KLF12: variants seen among roughly 807,000 people sequenced by gnomAD.
The protein encoded by KLF12 is Krueppel-like factor 12.
Under a neutral mutation model 37.8 loss-of-function variants are expected in KLF12, and 9 were observed. The ratio of observed to expected loss-of-function variants is 0.24; its 90% CI spans 0.14 to 0.42. The LOEUF is 0.42. Among genes scored for constraint, KLF12 ranks in the 10% least tolerant of loss-of-function variants. The probability of loss-of-function intolerance (pLI) is 1.00; values close to 1 mark genes in which losing one functional copy is unlikely to be tolerated. For synonymous variants in KLF12, 208 were observed against 202.1 expected (o/e 1.03, Z -0.25); for missense variants, 411 against 516.0 (o/e 0.80, Z 1.97).
chr13:73,837,700 C>G (rs796268053), intron 4 of KLF12, among the ~76,000 whole-genome samples: 28 of 152,232 alleles, frequency 1.8e-4, no homozygotes, highest in African/African-American at 5.8e-4. Context: ...ATATTCCAGT[C>G]CCATTTCCCA....
At chr13:73,827,751 C>T (rs1443545992) in intron 4 of KLF12, among the ~76,000 whole-genome samples, 1 of 152,024 alleles carries the variant, frequency 6.6e-6, no homozygotes, top group Non-Finnish European at 1.5e-5. Context: ...TCATTAGAGA[C>T]AGGGTTCCAC....
At chr13:73,724,155 T>C (rs150124553) in intron 6 of KLF12, among the ~76,000 whole-genome samples, 5,657 of 152,146 alleles carry the variant, frequency 0.037, 109 homozygotes, top group South Asian at 0.098. Flanking sequence ...TGCCCACCAA[T>C]GATAGACTGG....
chr13:74,210,743 C>A, the KLF12 span, among the ~76,000 whole-genome samples: 1 of 116,598 alleles, frequency 8.6e-6, no homozygotes, highest in South Asian at 2.3e-4. Context: ...AGACATGGTA[C>A]CTGGTGAGCC....
chr13:73,922,202 T>C (rs1197537833), intron 3 of KLF12, among the ~76,000 whole-genome samples: 1 of 152,172 alleles, frequency 6.6e-6, no homozygotes, highest in African/African-American at 2.4e-5. Flanking sequence ...ACACTGAAAA[T>C]TACTTTATTC....
intron 5 of KLF12, among the ~76,000 whole-genome samples, chr13:73,799,260 G>A (rs1190691535): frequency 6.6e-6 from 1 of 152,090 alleles, no homozygotes; most frequent in Admixed American, 6.6e-5. Context: ...CTACCTGAAG[G>A]TGATGAAAGG....
At chr13:73,820,549 C>G (rs2056510461) in intron 4 of KLF12, among the ~76,000 whole-genome samples, 1 of 152,154 alleles carries the variant, frequency 6.6e-6, no homozygotes, top group Non-Finnish European at 1.5e-5. Context: ...TTCTTGTTTC[C>G]TTTACTTTTG....
At chr13:74,299,232 A>T in the KLF12 span, among the ~76,000 whole-genome samples, 1 of 152,186 alleles carries the variant, frequency 6.6e-6, no homozygotes, top group Non-Finnish European at 1.5e-5. Context: ...GTCTGACAGG[A>T]AGGTGGAGTA....
intron 5 of KLF12, among the ~76,000 whole-genome samples, chr13:73,809,045 G>A (rs960107706): frequency 2.6e-5 from 4 of 152,052 alleles, no homozygotes; most frequent in Non-Finnish European, 5.9e-5. Flanking sequence ...ATCTTTAATT[G>A]TAAAGACAAA....
intron 6 of KLF12, among the ~76,000 whole-genome samples, chr13:73,736,713 A>G (rs1324388527): frequency 6.6e-6 from 1 of 152,212 alleles, no homozygotes; most frequent in African/African-American, 2.4e-5. Context: ...GGTTGCTTCC[A>G]TGCAGGGTTA....
At chr13:74,165,246 T>G in the KLF12 span, among the ~76,000 whole-genome samples, 14 of 151,964 alleles carry the variant, frequency 9.2e-5, no homozygotes, top group Non-Finnish European at 1.9e-4. Flanking sequence ...GGAACCTGAC[T>G]CTTTTCATCC....
At chr13:74,094,285 T>C (rs568774575) in intron 1 of KLF12, among the ~76,000 whole-genome samples, 5 of 152,344 alleles carry the variant, frequency 3.3e-5, no homozygotes, top group East Asian at 1.9e-4. Context: ...ATAATAACTA[T>C]AACATTTACA....
the KLF12 span, among the ~76,000 whole-genome samples, chr13:74,195,292 C>G: frequency 6.6e-6 from 1 of 151,918 alleles, no homozygotes; most frequent in East Asian, 1.9e-4. Flanking sequence ...TTGAGAGGGC[C>G]AAAAAATCAG....
intron 6 of KLF12, among the ~76,000 whole-genome samples, chr13:73,738,104 T>TACACAAAC (rs772058212): frequency 9.7e-6 from 1 of 103,580 alleles, no homozygotes; most frequent in Non-Finnish European, 1.9e-5. Context: ...TATATATATA[T>TACACAAAC]ATATATATAT....
chr13:73,799,901 G>A (rs771271784), intron 5 of KLF12, among the ~76,000 whole-genome samples: 11 of 152,066 alleles, frequency 7.2e-5, no homozygotes, highest in South Asian at 2.1e-4. Flanking sequence ...ATTGAAGACC[G>A]CAACACTTTC....
intron 1 of KLF12, among the ~76,000 whole-genome samples, chr13:74,107,963 C>T (rs1052604781): frequency 1.8e-4 from 27 of 152,158 alleles, no homozygotes; most frequent in African/African-American, 6.5e-4. Context: ...AAAGATTAGG[C>T]TTATATACTG....
At chr13:73,931,313 T>C (rs891232072) in intron 3 of KLF12, among the ~76,000 whole-genome samples, 1 of 152,214 alleles carries the variant, frequency 6.6e-6, no homozygotes, top group Non-Finnish European at 1.5e-5. Context: ...TCTTGCTGAA[T>C]TCATACATTT....
At chr13:73,841,082 C>G (rs558650330) in intron 4 of KLF12, among the ~76,000 whole-genome samples, 1 of 152,296 alleles carries the variant, frequency 6.6e-6, no homozygotes, top group South Asian at 2.1e-4. Context: ...CTTGTAGCAT[C>G]TGATACACAT....
chr13:74,019,110 C>A (rs1393148084), intron 1 of KLF12, among the ~76,000 whole-genome samples: 3 of 152,064 alleles, frequency 2.0e-5, no homozygotes, highest in African/African-American at 7.2e-5. Flanking sequence ...CAAATGGGGA[C>A]TCACAATTGA....
intron 5 of KLF12, among the ~76,000 whole-genome samples, chr13:73,768,077 G>A (rs1481087406): frequency 6.6e-6 from 1 of 152,158 alleles, no homozygotes; most frequent in Non-Finnish European, 1.5e-5. Flanking sequence ...GGATGAAGTG[G>A]TTAAGAGTGA....
Sources: gnomAD v4.1 joint callset for allele counts (sites outside exome capture counted in the v4.1 genomes callset) on GRCh38, gnomAD v4.1.1 for gene constraint, MANE v1.5 for transcripts, NCBI Gene and HGNC (gene_info 2026-07-23, HGNC 2026-07-21) for gene names.